The following TBC1D31 variants were observed in gnomAD, a reference collection of about 807,000 sequenced individuals.
TBC1D31 encodes the protein WD repeat domain 67.
A neutral mutation model predicts 132.9 loss-of-function variants in TBC1D31; 99 were observed. The ratio of observed to expected loss-of-function variants is 0.74; its 90% CI spans 0.63 to 0.88. The LOEUF (loss-of-function observed/expected upper bound fraction) is 0.88. Ranked by LOEUF, TBC1D31 falls within the 40% of genes least tolerant of loss-of-function variation. TBC1D31 has a pLI of 0.00. For missense variants in TBC1D31, 1,134 were observed against 1,256.6 expected (o/e 0.90, Z 1.48); for synonymous variants, 385 against 419.4 (o/e 0.92, Z 1.00).
intron 10 of TBC1D31, 53 bp downstream of exon 10, chr8:123,109,673 A>G: frequency 7.0e-7 from 1 of 1,436,866 alleles, no homozygotes; most frequent in Non-Finnish European, 9.4e-7. Context: ...TAATAATTGC[A>G]ATGTTATAAA....
the TBC1D31 span, among the ~76,000 whole-genome samples, chr8:123,159,530 G>A: frequency 6.6e-6 from 1 of 152,182 alleles, no homozygotes; most frequent in South Asian, 2.1e-4. Flanking sequence ...GGTGGCTCAC[G>A]TCTGTAATCC....
intron 15 of TBC1D31, among the ~76,000 whole-genome samples, chr8:123,129,738 C>T (rs1030199465): frequency 6.6e-6 from 1 of 152,128 alleles, no homozygotes; most frequent in African/African-American, 2.4e-5. Flanking sequence ...GGTAGGATCA[C>T]TTGAGCCCAG....
At chr8:123,109,026 T>C (rs1053007439) in intron 8 of TBC1D31, among the ~76,000 whole-genome samples, 3 of 152,122 alleles carry the variant, frequency 2.0e-5, no homozygotes, top group African/African-American at 7.2e-5. Flanking sequence ...GGATTGTAAT[T>C]CAAGATGAGA....
chr8:123,141,844 CTTTTTTTTT>C (rs1160750679), intron 18 of TBC1D31, among the ~76,000 whole-genome samples: 3 of 52,038 alleles, frequency 5.8e-5, no homozygotes, highest in South Asian at 8.3e-4. Context: ...TTGAAGAGCT[CTTTTTTTTT>C]TTTTTTTTTT....
intron 4 of TBC1D31, among the ~76,000 whole-genome samples, chr8:123,089,707 C>CA (rs1816144548): frequency 6.6e-6 from 1 of 151,976 alleles, no homozygotes; most frequent in African/African-American, 2.4e-5. Context: ...GCTCCTGTCT[C>CA]AAAAAAACAA....
At chr8:123,124,292 A>G (rs934204181) in intron 11 of TBC1D31, among the ~76,000 whole-genome samples, 2 of 152,168 alleles carry the variant, frequency 1.3e-5, no homozygotes, top group African/African-American at 4.8e-5. Context: ...TCTTTTTTAG[A>G]CACTAGAGTC....
downstream of TBC1D31, among the ~76,000 whole-genome samples, chr8:123,152,811 C>T (rs915646046): frequency 2.0e-5 from 3 of 152,122 alleles, no homozygotes; most frequent in Non-Finnish European, 4.4e-5. Flanking sequence ...GCGGAGGTTG[C>T]AGTGAGCCGA....
chr8:123,123,676 G>A (rs995143092), intron 11 of TBC1D31: 7 of 152,590 alleles, frequency 4.6e-5, no homozygotes, highest in Non-Finnish European at 5.9e-5. Flanking sequence ...AGATCAAGAA[G>A]ACAATGAATA....
At chr8:123,076,998 G>A in intron 1 of TBC1D31, 113 bp from the exon 2 acceptor site, 1 of 991,352 alleles carries the variant, frequency 1.0e-6, no homozygotes, top group South Asian at 1.8e-5. Context: ...GGGTATAGCG[G>A]TAGCAGTAGG....
downstream of TBC1D31, among the ~76,000 whole-genome samples, chr8:123,154,566 G>A (rs1387395498): frequency 1.3e-5 from 2 of 152,190 alleles, no homozygotes; most frequent in Non-Finnish European, 2.9e-5. Context: ...TAAGGACCCC[G>A]CTTGTCAGGG....
chr8:123,073,805 C>A (rs1388402209), intron 1 of TBC1D31, among the ~76,000 whole-genome samples: 1 of 151,806 alleles, frequency 6.6e-6, no homozygotes, highest in Non-Finnish European at 1.5e-5. Context: ...CTTGCCTCAG[C>A]CTCCTAAGTA....
chr8:123,117,419 A>G (rs1350985239), intron 10 of TBC1D31, among the ~76,000 whole-genome samples: 1 of 152,064 alleles, frequency 6.6e-6, no homozygotes, highest in Non-Finnish European at 1.5e-5. Context: ...TTTGTAGTAG[A>G]TAAACTCAGC....
At chr8:123,113,734 A>T (rs535744645) in intron 10 of TBC1D31, among the ~76,000 whole-genome samples, 14 of 142,192 alleles carry the variant, frequency 9.8e-5, no homozygotes, top group Middle Eastern at 3.7e-3. Flanking sequence ...GTTTAGTTAA[A>T]GCTTCAAAGC....
chr8:123,100,789 A>G lies in TBC1D31; in HGVS notation c.832-18A>G. On this transcript the variant is annotated intron_variant, in intron 6 of 21. Coordinates refer to ENST00000287380, the MANE Select transcript of TBC1D31 (RefSeq NM_145647.4). Reference sequence around the variant, plus strand: ...GACTATCACATGTTTTTAGGAATTTATATTTTTTCTCTCTTAGGTTCTTGG... The same window carrying G: ...GACTATCACATGTTTTTAGGAATTTGTATTTTTTCTCTCTTAGGTTCTTGG... The G allele has an allele frequency of 6.3e-7, 1 of 1,593,092 alleles. No homozygotes were observed.
downstream of TBC1D31, among the ~76,000 whole-genome samples, chr8:123,155,933 C>G (rs975268535): frequency 2.6e-5 from 4 of 152,170 alleles, no homozygotes; most frequent in Non-Finnish European, 4.4e-5. The surrounding 1 kb of genome is among the most constrained non-coding windows in gnomAD (Gnocchi z 4.1). Context: ...GTTTGAATTA[C>G]AGAGGGTGAA....
intron 16 of TBC1D31, among the ~76,000 whole-genome samples, chr8:123,133,426 T>A (rs1269453523): frequency 6.6e-6 from 1 of 152,246 alleles, no homozygotes; most frequent in East Asian, 1.9e-4. Context: ...TGGATATATA[T>A]GTTTGCACAT....
Position 123,093,757 on chromosome 8 carries a change from A to C in TBC1D31, c.671+15A>C. The C allele has an allele frequency of 6.7e-7, 1 of 1,497,152 alleles. No homozygotes were observed. Among genetic ancestry groups the C allele is most frequent in the Non-Finnish European group, 9.0e-7 (1 of 1,107,152 alleles). The allele number at this position is 1,497,152 out of a possible 1,614,324, so 92.7% of individuals were successfully genotyped here. On this transcript the variant is annotated intron_variant, in intron 5 of 21. Transcript: ENST00000287380. ...GCTGTAACCAGGTAATGTGCATTTT[A>C]AGACACTAGGAATATTTAAGAAATT...
intron 2 of TBC1D31, among the ~76,000 whole-genome samples, chr8:123,078,223 G>A (rs528068734): frequency 2.6e-5 from 4 of 152,274 alleles, no homozygotes; most frequent in Admixed American, 6.5e-5. Flanking sequence ...TCTGCATAGC[G>A]AATGGGGCAG....
chr8:123,082,333 C>T (rs1184029946), intron 2 of TBC1D31, among the ~76,000 whole-genome samples: 2 of 151,922 alleles, frequency 1.3e-5, no homozygotes, highest in Non-Finnish European at 2.9e-5. Flanking sequence ...CATACCGAAC[C>T]TCTGCTTGGC....
Sources: allele counts gnomAD v4.1 joint callset (sites outside exome capture counted in the v4.1 genomes callset), GRCh38; gene constraint gnomAD v4.1.1; non-coding constraint Gnocchi (gnomAD v3.1); transcripts MANE v1.5; gene names NCBI Gene and HGNC (gene_info 2026-07-23, HGNC 2026-07-21).